The following BMPR1B variants were observed in gnomAD, a reference collection of about 807,000 sequenced individuals.
BMPR1B encodes bone morphogenetic protein receptor type-1B.
A neutral mutation model predicts 59.1 loss-of-function variants in BMPR1B; 12 were observed. That is an observed-to-expected ratio of 0.20 (90% CI 0.13 to 0.33). The LOEUF (loss-of-function observed/expected upper bound fraction) is 0.33. BMPR1B is among the 10% of genes least tolerant of loss of function. The probability of loss-of-function intolerance (pLI) is 1.00; values close to 1 mark genes in which losing one functional copy is unlikely to be tolerated. For synonymous variants in BMPR1B, 237 were observed against 207.3 expected (o/e 1.14, Z -1.23); for missense variants, 550 against 610.9 (o/e 0.90, Z 1.05).
At chr4:94,942,090 C>A (rs1729540351) in intron 2 of BMPR1B, among the ~76,000 whole-genome samples, 1 of 152,182 alleles carries the variant, frequency 6.6e-6, no homozygotes. Flanking sequence ...AGTGGCAGGT[C>A]TCAGATTGTT....
At chr4:94,951,124 G>T (rs1192218585) in intron 2 of BMPR1B, among the ~76,000 whole-genome samples, 1 of 152,158 alleles carries the variant, frequency 6.6e-6, no homozygotes, top group African/African-American at 2.4e-5. Flanking sequence ...TATTAATTTT[G>T]TATCCTGAGA....
intron 2 of BMPR1B, among the ~76,000 whole-genome samples, chr4:94,902,694 T>C (rs1022641429): frequency 6.6e-6 from 1 of 152,016 alleles, no homozygotes; most frequent in Non-Finnish European, 1.5e-5. Flanking sequence ...TTAATACATA[T>C]GTTGGGAATT....
At chr4:94,810,043 A>G (rs1723753549) in intron 1 of BMPR1B, among the ~76,000 whole-genome samples, 2 of 152,192 alleles carry the variant, frequency 1.3e-5, no homozygotes, top group African/African-American at 4.8e-5. Context: ...GGCAATTGAC[A>G]AAGATCCAAA....
At chr4:94,761,443 GTGTGT>G (rs1721763479) in intron 1 of BMPR1B, among the ~76,000 whole-genome samples, 1 of 150,064 alleles carries the variant, frequency 6.7e-6, no homozygotes, top group South Asian at 2.1e-4. Context: ...GTGTGTGTGT[GTGTGT>G]GTGTGTGTGT....
At chr4:94,922,169 C>T (rs1374658935) in intron 2 of BMPR1B, among the ~76,000 whole-genome samples, 1 of 151,986 alleles carries the variant, frequency 6.6e-6, no homozygotes, top group Non-Finnish European at 1.5e-5. Context: ...AGAAGGGAGT[C>T]TTCCAGTGTT....
chr4:94,975,498 G>T (rs1730996970), intron 2 of BMPR1B, among the ~76,000 whole-genome samples: 1 of 150,768 alleles, frequency 6.6e-6, no homozygotes, highest in African/African-American at 2.4e-5. Context: ...AAATAGCTGG[G>T]ACTACAGGCA....
intron 3 of BMPR1B, among the ~76,000 whole-genome samples, chr4:95,056,632 C>T (rs1485497888): frequency 2.0e-5 from 3 of 152,160 alleles, no homozygotes; most frequent in Non-Finnish European, 4.4e-5. Flanking sequence ...CCCTTCTTTT[C>T]TTTTTGTTTA....
At chr4:95,110,841 TTAACAAAGC>T (rs1579095008) in intron 4 of BMPR1B, among the ~76,000 whole-genome samples, 3 of 152,308 alleles carry the variant, frequency 2.0e-5, no homozygotes, top group Admixed American at 2.0e-4. Flanking sequence ...CATACCACTG[TTAACAAAGC>T]TATGAGCAGC....
At chr4:94,827,836 G>A (rs920116707) in intron 1 of BMPR1B, among the ~76,000 whole-genome samples, 1 of 152,194 alleles carries the variant, frequency 6.6e-6, no homozygotes, top group Non-Finnish European at 1.5e-5. Flanking sequence ...GAGTATAAAA[G>A]TTTTCATCGA....
At chr4:94,851,812 A>G (rs765237039) in intron 1 of BMPR1B, among the ~76,000 whole-genome samples, 2 of 152,194 alleles carry the variant, frequency 1.3e-5, no homozygotes, top group Admixed American at 6.5e-5. Flanking sequence ...AAATAAAATA[A>G]GGAACCACAA....
rs1474287942 is a variant in BMPR1B at position 94,793,467 on chromosome 4, G to A, written c.-183+35399G>A. On this transcript the variant is annotated intron_variant, in intron 1 of 12. Transcript: ENST00000515059. ...AGTCTTTGCTATCGTGAATAATGCC[G>A]CAATAAACATACGGGTGCATGTGTC... Among the ~76,000 whole-genome samples, 4 of 150,958 alleles carry A rather than the reference G, an allele frequency of 2.6e-5. 1 individual carries two copies. The highest frequency in any genetic ancestry group is 3.9e-4 in the East Asian group (2 of 5,120).
chr4:94,765,663 A>C (rs1721943712), intron 1 of BMPR1B, among the ~76,000 whole-genome samples: 1 of 151,920 alleles, frequency 6.6e-6, no homozygotes, highest in Admixed American at 6.6e-5. Context: ...GTCTAACATA[A>C]CTGTTATTTC....
chr4:94,946,123 A>T (rs1729700750), intron 2 of BMPR1B, among the ~76,000 whole-genome samples: 1 of 152,180 alleles, frequency 6.6e-6, no homozygotes, highest in Non-Finnish European at 1.5e-5. Context: ...TTCATGTACT[A>T]TTCTTGTCAA....
At chr4:94,865,839 A>AT (rs919728329) in intron 1 of BMPR1B, among the ~76,000 whole-genome samples, 7 of 151,140 alleles carry the variant, frequency 4.6e-5, no homozygotes, top group Non-Finnish European at 7.4e-5. Flanking sequence ...ATTGAAAAAC[A>AT]TTTTTTTTTC....
At chr4:94,934,164 G>A (rs1729199315) in intron 2 of BMPR1B, among the ~76,000 whole-genome samples, 2 of 152,288 alleles carry the variant, frequency 1.3e-5, no homozygotes, top group Admixed American at 6.5e-5. Flanking sequence ...ATTTAGTCAA[G>A]TGTTCAATCT....
chr4:95,052,809 T>A (rs1726603806), intron 3 of BMPR1B, among the ~76,000 whole-genome samples: 1 of 152,196 alleles, frequency 6.6e-6, no homozygotes, highest in African/African-American at 2.4e-5. Flanking sequence ...TGTGTTGATA[T>A]GAAGGAATGA....
At chr4:95,046,079 C>CT (rs935467413) in intron 3 of BMPR1B, among the ~76,000 whole-genome samples, 19 of 151,234 alleles carry the variant, frequency 1.3e-4, no homozygotes, top group Non-Finnish European at 2.7e-4. Flanking sequence ...TATAATTTGA[C>CT]TTTTTTTTTG....
intron 5 of BMPR1B, among the ~76,000 whole-genome samples, chr4:95,115,036 A>G (rs960016916): frequency 2.0e-5 from 3 of 152,090 alleles, no homozygotes; most frequent in Non-Finnish European, 2.9e-5. Context: ...TACCTTTTCT[A>G]TGGTTAGATA....
At chr4:94,983,550 G>C (rs1386893039) in intron 2 of BMPR1B, among the ~76,000 whole-genome samples, 1 of 152,178 alleles carries the variant, frequency 6.6e-6, no homozygotes. Context: ...CAGGCAGAGA[G>C]GAAGTACACT....
Sources: allele counts gnomAD v4.1 joint callset (sites outside exome capture counted in the v4.1 genomes callset), GRCh38; gene constraint gnomAD v4.1.1; transcripts MANE v1.5; gene names NCBI Gene and HGNC (gene_info 2026-07-23, HGNC 2026-07-21).